The following USP8 variants were observed in gnomAD, a reference collection of about 807,000 sequenced individuals.
USP8 encodes ubiquitin specific peptidase 8.
In USP8, 27 loss-of-function variants were observed where a neutral mutation model predicts 130.0. The observed-to-expected ratio is 0.21, with a 90% CI of 0.15 to 0.29. The LOEUF (loss-of-function observed/expected upper bound fraction) is 0.29, where lower values mean the gene tolerates loss of function less well. Among genes scored for constraint, USP8 ranks in the 10% least tolerant of loss-of-function variants. The pLI is 1.00. For synonymous variants in USP8, 392 were observed against 444.1 expected, an observed-to-expected ratio of 0.88 and a Z score of 1.48; for missense variants, 1,029 against 1,312.2, an observed-to-expected ratio of 0.78 and a Z score of 3.33.
chr15:50,449,890 CTTTTTTT>C lies in USP8; in HGVS notation c.335+420_335+426del, dbSNP rs1198558839. 9.3e-3 allele frequency among the ~76,000 whole-genome samples: 731 copies of C among 78,932 alleles called. 9 individuals are homozygous for C. Among genetic ancestry groups the C allele is most frequent in the African/African-American group, 0.032 (705 of 21,990 alleles). The allele number at this position is 78,932 out of a possible 152,430, so 51.8% of individuals were successfully genotyped here. ...GCCACCATGCCTGGCCCCAATATTTCTTTTTTTTTTTTTTTTTTTTTCTGAGACGGAG... is the reference window on the plus strand; with the variant it reads ...GCCACCATGCCTGGCCCCAATATTTCTTTTTTTTTTTTTTCTGAGACGGAG... On this transcript the variant is annotated intron_variant, in intron 4 of 19. Coordinates refer to ENST00000307179, the MANE Select transcript of USP8 (RefSeq NM_005154.5).
intron 2 of USP8, among the ~76,000 whole-genome samples, chr15:50,440,823 T>C (rs1471431304): frequency 2.6e-5 from 4 of 150,998 alleles, no homozygotes; most frequent in African/African-American, 9.7e-5. Flanking sequence ...ACTAACATGG[T>C]GAAACCTCGT....
intron 4 of USP8, among the ~76,000 whole-genome samples, chr15:50,457,602 C>T (rs2050833122): frequency 6.8e-6 from 1 of 146,070 alleles, no homozygotes; most frequent in East Asian, 2.0e-4. Flanking sequence ...GTGGCTCACA[C>T]CTATAATCCC....
intron 1 of USP8, among the ~76,000 whole-genome samples, chr15:50,429,004 A>G (rs2049840036): frequency 6.6e-6 from 1 of 152,200 alleles, no homozygotes; most frequent in Non-Finnish European, 1.5e-5. Context: ...GTGTGGATAC[A>G]CTGGACAAAG....
chr15:50,441,100 CAGG>C (rs1363870426), intron 2 of USP8, among the ~76,000 whole-genome samples: 1 of 151,860 alleles, frequency 6.6e-6, no homozygotes, highest in Admixed American at 6.6e-5. Flanking sequence ...CATGATCTGA[CAGG>C]AGGTGGAGCT....
At chr15:50,455,516 G>C (rs1253217589) in intron 4 of USP8, among the ~76,000 whole-genome samples, 8 of 152,104 alleles carry the variant, frequency 5.3e-5, no homozygotes, top group Non-Finnish European at 1.2e-4. Flanking sequence ...TAAAATCTTT[G>C]TATGCTAAAT....
At chr15:50,490,646 G>GT (rs2052126244) in intron 14 of USP8, 121 bp downstream of exon 14, 1 of 1,258,358 alleles carries the variant, frequency 7.9e-7, no homozygotes, top group Non-Finnish European at 1.1e-6. Flanking sequence ...TATACCAGCC[G>GT]TTATTATTTA....
Position 50,504,264 on chromosome 15 carries a change from C to G in USP8, c.*5176C>G, listed in dbSNP as rs899809858. 1.3e-5 allele frequency: 2 copies of G among 152,200 alleles called. No individual in the cohort carries two copies. The highest frequency in any genetic ancestry group is 2.9e-5 in the Non-Finnish European group (2 of 68,096). The allele number at this position is 152,200 out of a possible 1,614,324, so 9.4% of individuals were successfully genotyped here. On this transcript the variant is annotated 3_prime_UTR_variant, in exon 20 of 20. Coordinates refer to ENST00000307179, the MANE Select transcript of USP8 (RefSeq NM_005154.5). ...TCCAGGCCTGGCATGGTGGCTCACA[C>G]GTGTAATCCCAACGTTTTTGGGGGA...
intron 16 of USP8, among the ~76,000 whole-genome samples, chr15:50,495,485 GA>G (rs879909457): frequency 0.022 from 2,170 of 98,650 alleles, 38 homozygotes; most frequent in Admixed American, 0.031. Context: ...GTAGAGATTG[GA>G]GGGGGGGGTC....
At chr15:50,459,265 G>A (rs1050988009) in intron 5 of USP8, 103 bp downstream of exon 5, 1 of 1,404,824 alleles carries the variant, frequency 7.1e-7, no homozygotes, top group African/African-American at 1.5e-5. Context: ...TAGGCAACAA[G>A]GATGAAATTT....
At position 50,465,029 on chromosome 15, in the gene USP8, G is replaced by C. The variant is rs372025842; in HGVS notation, c.542-18G>C. 130 of 1,612,316 alleles carry C rather than the reference G, an allele frequency of 8.1e-5. No homozygotes were observed. Among genetic ancestry groups the C allele is most frequent in the Non-Finnish European group, 1.1e-4 (128 of 1,179,116 alleles). On this transcript the variant is annotated intron_variant, in intron 6 of 19. Coordinates refer to ENST00000307179, the MANE Select transcript of USP8 (RefSeq NM_005154.5). The stretch of plus-strand genomic sequence containing the variant: ...TGTGCTGTTTCTTGTCACTTACACT[G>C]TCTCTCTCAATTCCAAGGAGCAATC...
chr15:50,488,072 G>A (rs3098175), intron 12 of USP8, among the ~76,000 whole-genome samples: 4,796 of 152,198 alleles, frequency 0.032, 105 homozygotes, highest in South Asian at 0.09. Context: ...TTATCTTTTC[G>A]TTTTCTTGAT....
At chr15:50,457,433 C>T (rs987716376) in intron 4 of USP8, among the ~76,000 whole-genome samples, 8 of 151,712 alleles carry the variant, frequency 5.3e-5, no homozygotes, top group East Asian at 1.9e-4. Context: ...TGGCACACAC[C>T]GGTAGTCCCA....
At position 50,513,178 on chromosome 15, in the gene USP8, A is replaced by T. The variant is rs1409097914; in HGVS notation, c.*14090A>T. Reference sequence around the variant, plus strand: ...CTTGTAGAAAGTTAAATATGCACATACTTTATGATCTAAGTGACCTCACTC... The same window carrying T: ...CTTGTAGAAAGTTAAATATGCACATTCTTTATGATCTAAGTGACCTCACTC... On this transcript the variant is annotated 3_prime_UTR_variant, in exon 20 of 20. Transcript: ENST00000307179. The T allele has an allele frequency of 6.6e-6, 1 of 152,202 alleles. No homozygotes were observed. Among genetic ancestry groups the T allele is most frequent in the Non-Finnish European group, 1.5e-5 (1 of 68,034 alleles). The allele number at this position is 152,202 out of a possible 1,614,324, so 9.4% of individuals were successfully genotyped here.
In USP8 at chr15:50,511,759, AG is replaced by A. The variant is rs1168512585; in HGVS notation, c.*12672del. 6.6e-6 allele frequency: 1 copy of A among 152,172 alleles called. No homozygotes were observed. Among genetic ancestry groups the A allele is most frequent in the Non-Finnish European group, 1.5e-5 (1 of 68,044 alleles). 9.4% of individuals were successfully genotyped at this position (152,172 alleles called of 1,614,324 possible). A position where few individuals can be genotyped will look rare whatever the true frequency, so the allele number is the denominator to read the frequency against. On this transcript the variant is annotated 3_prime_UTR_variant, in exon 20 of 20. Coordinates refer to ENST00000307179, the MANE Select transcript of USP8 (RefSeq NM_005154.5). ...CGCCTGTAATCCCAGCACCTGGGGGAGCCGAGGCAGGTGGATCACTTGACGT... is the reference window on the plus strand; with the variant it reads ...CGCCTGTAATCCCAGCACCTGGGGGACCGAGGCAGGTGGATCACTTGACGT...
intron 4 of USP8, among the ~76,000 whole-genome samples, chr15:50,454,984 A>G (rs949959227): frequency 1.4e-5 from 2 of 143,194 alleles, no homozygotes; most frequent in Admixed American, 6.9e-5. Context: ...TGTGTTGCCC[A>G]GGATGGTTCT....
intron 5 of USP8, among the ~76,000 whole-genome samples, chr15:50,461,655 C>T (rs750290719): frequency 4.6e-5 from 7 of 151,988 alleles, no homozygotes; most frequent in Admixed American, 2.0e-4. Context: ...GAGATCAAGA[C>T]CAGCCTGGCC....
chr15:50,471,827 T>C, intron 8 of USP8, 32 bp downstream of exon 8: 3 of 1,610,804 alleles, frequency 1.9e-6, no homozygotes, highest in Non-Finnish European at 2.5e-6. Context: ...TTTATTGTAA[T>C]TGCAGGGCAT....
intron 1 of USP8, among the ~76,000 whole-genome samples, chr15:50,433,507 C>G (rs11632823): frequency 0.14 from 21,372 of 152,192 alleles, 1,984 homozygotes; most frequent in Middle Eastern, 0.27. Context: ...TCATTTTTCA[C>G]TTTTTACCTT....
intron 4 of USP8, among the ~76,000 whole-genome samples, chr15:50,451,967 C>A (rs976139691): frequency 6.6e-6 from 1 of 152,208 alleles, no homozygotes; most frequent in Non-Finnish European, 1.5e-5. Context: ...ATGTCATGGT[C>A]TATGACCACG....
Sources: allele counts gnomAD v4.1 joint callset (sites outside exome capture counted in the v4.1 genomes callset), GRCh38; gene constraint gnomAD v4.1.1; transcripts MANE v1.5; gene names NCBI Gene and HGNC (gene_info 2026-07-23, HGNC 2026-07-21).